The following CCDC90B variants were observed in gnomAD, a reference collection of about 807,000 sequenced individuals.
CCDC90B encodes the protein coiled-coil domain-containing protein 90B, mitochondrial.
Under a neutral mutation model 37.0 loss-of-function variants are expected in CCDC90B, and 24 were observed. That is an observed-to-expected ratio of 0.65 (90% confidence interval 0.47 to 0.91). The LOEUF (loss-of-function observed/expected upper bound fraction) is 0.91. Ranked by LOEUF, CCDC90B falls within the 40% of genes least tolerant of loss-of-function variation. The probability of loss-of-function intolerance (pLI) is 0.00; values close to 1 mark genes in which losing one functional copy is unlikely to be tolerated. For synonymous variants in CCDC90B, 113 were observed against 101.1 expected (o/e 1.12, Z -0.71); for missense variants, 319 against 299.0 (o/e 1.07, Z -0.49).
chr11:83,268,420 A>T (rs955577039), intron 7 of CCDC90B, among the ~76,000 whole-genome samples: 4 of 75,940 alleles, frequency 5.3e-5, no homozygotes, highest in African/African-American at 1.8e-4. Flanking sequence ...GTACCAAGCA[A>T]ATGGAAAGCA....
rs1863902189 is a variant in CCDC90B at position 83,260,987 on chromosome 11, G to A, written c.*924C>T. ...TACATTAAGAAGCAGGGATAAACTG[G>A]TTTTTGAGTATCAAATATTTAAAAA... On this transcript the variant is annotated 3_prime_UTR_variant, in exon 9 of 9. Coordinates refer to ENST00000529689, the MANE Select transcript of CCDC90B (RefSeq NM_021825.5). 6.6e-6 allele frequency: 1 copy of A among 152,064 alleles called. No individual in the cohort carries two copies. Among genetic ancestry groups the A allele is most frequent in the Non-Finnish European group, 1.5e-5 (1 of 68,010 alleles). The allele number at this position is 152,064 out of a possible 1,614,324, so 9.4% of individuals were successfully genotyped here. A position where few individuals can be genotyped will look rare whatever the true frequency, so the allele number is the denominator to read the frequency against.
intron 8 of CCDC90B, among the ~76,000 whole-genome samples, chr11:83,264,065 T>A (rs1036996619): frequency 6.6e-6 from 1 of 152,204 alleles, no homozygotes; most frequent in African/African-American, 2.4e-5. Flanking sequence ...AGTTGTTATA[T>A]AGAAATACTA....
intron 3 of CCDC90B, among the ~76,000 whole-genome samples, chr11:83,275,519 C>CAA (rs35773488): frequency 5.2e-5 from 7 of 133,438 alleles, no homozygotes; most frequent in African/African-American, 1.1e-4. Flanking sequence ...GCAAATATTC[C>CAA]AAAAAAAAAA....
intron 2 of CCDC90B, 77 bp from the exon 3 acceptor site, chr11:83,278,906 C>G: frequency 1.3e-6 from 1 of 748,184 alleles, no homozygotes; most frequent in Non-Finnish European, 2.3e-6. Context: ...AGTAACTCCT[C>G]AACATTTAAA....
In CCDC90B at chr11:83,273,647, C is replaced by T. The variant is rs1864828771; in HGVS notation, c.594G>A (p.Lys198=). 2.5e-6 allele frequency: 4 copies of T among 1,589,732 alleles called. No homozygotes were observed. The highest frequency in any genetic ancestry group is 3.4e-6 in the Non-Finnish European group (4 of 1,167,292). ...GAGACATTTTTACATATTACTTTAC[C>T]TTTTTTGTAAATTCTGTAGTTGTTT... ...LMETTTEFTK[K]DTQTKSIISE... The change falls in exon 7 of 9, where the codon AAG becomes AAA. Residue 198 remains lysine, a splice_region_variant and synonymous_variant. Transcript: ENST00000529689.
In CCDC90B at chr11:83,260,842, G is replaced by T. The variant is rs145299725; in HGVS notation, c.*1069C>A. 6.6e-6 allele frequency: 1 copy of T among 151,804 alleles called. No homozygotes were observed. Among genetic ancestry groups the T allele is most frequent in the East Asian group, 1.9e-4 (1 of 5,194 alleles). 9.4% of individuals were successfully genotyped at this position (151,804 alleles called of 1,614,324 possible). On this transcript the variant is annotated 3_prime_UTR_variant, in exon 9 of 9. Transcript: ENST00000529689. ...TATATCTAATAACAAAACAAAATAC[G>T]AATTTAAATTTTCCTATGAGTTTCT...
intron 1 of CCDC90B, among the ~76,000 whole-genome samples, chr11:83,282,149 T>G (rs911895797): frequency 3.4e-4 from 51 of 152,206 alleles, no homozygotes; most frequent in African/African-American, 1.2e-3. Context: ...CACGATGGGA[T>G]GCAAAAACAA....
At chr11:83,265,742 C>T (rs1220294173) in intron 8 of CCDC90B, 123 bp downstream of exon 8, 1 of 614,248 alleles carries the variant, frequency 1.6e-6, no homozygotes, top group Non-Finnish European at 2.9e-6. Flanking sequence ...TACAGGGGAC[C>T]AAGCAATAAA....
chr11:83,272,624 A>G (rs488662), intron 7 of CCDC90B, among the ~76,000 whole-genome samples: 40,202 of 152,078 alleles, frequency 0.26, 5,496 homozygotes, highest in Middle Eastern at 0.41. Context: ...TGAGACCTAG[A>G]GCACAGAAAG....
intron 2 of CCDC90B, among the ~76,000 whole-genome samples, chr11:83,279,393 AATT>A (rs1865251198): frequency 6.6e-6 from 1 of 151,912 alleles, no homozygotes; most frequent in Non-Finnish European, 1.5e-5. Context: ...TTGAGTGTGT[AATT>A]GGCATAAAAA....
At chr11:83,285,188 G>A in intron 1 of CCDC90B, 5 of 1,285,154 alleles carry the variant, frequency 3.9e-6, no homozygotes, top group Non-Finnish European at 5.1e-6. Flanking sequence ...CTATTTTGTG[G>A]ACAACCTTAA....
rs111974650 is a variant in CCDC90B at position 83,277,173 on chromosome 11, G to A, written c.324+1553C>T. ...CTTGTATATAGGATTAAATGGTCCT[G>A]GCAGCACAAATATTCCTCAAATCAC... On this transcript the variant is annotated intron_variant, in intron 3 of 8. Transcript: ENST00000529689. 1.5e-4 allele frequency among the ~76,000 whole-genome samples: 23 copies of A among 152,216 alleles called. 1 individual carries two copies. Among genetic ancestry groups the A allele is most frequent in the African/African-American group, 4.8e-4 (20 of 41,524 alleles).
intron 1 of CCDC90B, chr11:83,285,020 G>T: frequency 3.0e-6 from 2 of 671,444 alleles, no homozygotes; most frequent in Non-Finnish European, 4.0e-6. Context: ...GACTGCAGCT[G>T]TTACTGGTGT....
rs956037125 is a variant in CCDC90B at position 83,259,662 on chromosome 11, T to G, written c.*2249A>C. The G allele has an allele frequency of 6.6e-6, 1 of 152,194 alleles. No individual in the cohort carries two copies. The highest frequency in any genetic ancestry group is 2.4e-5 in the African/African-American group (1 of 41,448). The allele number at this position is 152,194 out of a possible 1,614,324, so 9.4% of individuals were successfully genotyped here. On this transcript the variant is annotated 3_prime_UTR_variant, in exon 9 of 9. Coordinates refer to ENST00000529689, the MANE Select transcript of CCDC90B (RefSeq NM_021825.5). ...TGCTGATAAAACTATTGGAGAAGTT[T>G]TTTTTTAGGAGACAGGGTCTCATGT...
chr11:83,262,744 A>C (rs555077712), intron 8 of CCDC90B, among the ~76,000 whole-genome samples: 1 of 152,296 alleles, frequency 6.6e-6, no homozygotes, highest in African/African-American at 2.4e-5. Flanking sequence ...ACACCACCCC[A>C]TTTGATCCTA....
chr11:83,267,604 A>T (rs1864365233), intron 7 of CCDC90B: 2 of 152,254 alleles, frequency 1.3e-5, no homozygotes, highest in South Asian at 4.1e-4. Context: ...TCCAAGAAAT[A>T]TGGGACTATG....
intron 7 of CCDC90B, 132 bp from the exon 8 acceptor site, chr11:83,266,111 A>G (rs368222033): frequency 3.6e-6 from 2 of 552,214 alleles, no homozygotes; most frequent in South Asian, 2.3e-5. Context: ...CATTAAAAGC[A>G]TAGTGGTGTA....
chr11:83,269,153 G>A (rs1049853196), intron 7 of CCDC90B, among the ~76,000 whole-genome samples: 3 of 152,082 alleles, frequency 2.0e-5, no homozygotes, highest in Admixed American at 6.5e-5. Context: ...ATGCCCACAA[G>A]AGAAAGCAGG....
intron 7 of CCDC90B, chr11:83,267,376 T>A (rs920820542): frequency 1.3e-5 from 2 of 152,170 alleles, no homozygotes; most frequent in African/African-American, 4.8e-5. Flanking sequence ...GAAAAAAGAT[T>A]AGACGAATGG....
Sources: gnomAD v4.1 joint callset for allele counts (sites outside exome capture counted in the v4.1 genomes callset) on GRCh38, gnomAD v4.1.1 for gene constraint, MANE v1.5 for transcripts, NCBI Gene and HGNC (gene_info 2026-07-23, HGNC 2026-07-21) for gene names.